Variants in CTNNBL1 observed in about 807,000 individuals in gnomAD.
CTNNBL1 encodes the protein beta-catenin-like protein 1.
Under a neutral mutation model 72.7 loss-of-function variants are expected in CTNNBL1, and 31 were observed. The observed-to-expected ratio is 0.43, with a 90% CI of 0.32 to 0.58. CTNNBL1 has a LOEUF of 0.58. Among genes scored for constraint, CTNNBL1 ranks in the 20% least tolerant of loss-of-function variants. The pLI is 0.08. For missense variants in CTNNBL1, 534 were observed against 725.1 expected (o/e 0.74, Z 3.03); for synonymous variants, 240 against 267.3 (o/e 0.90, Z 1.00).
chr20:37,785,544 T>G (rs2073665449), intron 10 of CTNNBL1, among the ~76,000 whole-genome samples: 1 of 152,268 alleles, frequency 6.6e-6, no homozygotes, highest in South Asian at 2.1e-4. Context: ...GTTCTGCTGT[T>G]AAGAGACTCT....
intron 1 of CTNNBL1, among the ~76,000 whole-genome samples, chr20:37,702,047 A>G (rs2072849575): frequency 6.6e-6 from 1 of 152,168 alleles, no homozygotes; most frequent in African/African-American, 2.4e-5. Flanking sequence ...TTTTATTACA[A>G]CCTTTTTTTA....
At chr20:37,858,054 G>C (rs569639501) in intron 13 of CTNNBL1, among the ~76,000 whole-genome samples, 51 of 152,306 alleles carry the variant, frequency 3.3e-4, no homozygotes, top group African/African-American at 1.2e-3. Flanking sequence ...TTAATTAGCT[G>C]AGTGTGGTGG....
At chr20:37,834,898 C>T (rs1489196489) in intron 11 of CTNNBL1, among the ~76,000 whole-genome samples, 2 of 152,154 alleles carry the variant, frequency 1.3e-5, no homozygotes, top group East Asian at 1.9e-4. Flanking sequence ...ATTATTATAC[C>T]CTACTTACGT....
intron 1 of CTNNBL1, among the ~76,000 whole-genome samples, chr20:37,724,977 C>T (rs2122584594): frequency 6.8e-6 from 1 of 148,052 alleles, no homozygotes; most frequent in South Asian, 2.2e-4. Flanking sequence ...AGTGGCATGA[C>T]CTTGGCTTAC....
chr20:37,731,658 G>C (rs2073130002), intron 1 of CTNNBL1, among the ~76,000 whole-genome samples: 1 of 152,172 alleles, frequency 6.6e-6, no homozygotes, highest in Admixed American at 6.5e-5. Context: ...ACATACAAGT[G>C]AGATTACGAG....
chr20:37,794,005 TCCTGA>T (rs2073747940), intron 10 of CTNNBL1, among the ~76,000 whole-genome samples: 1 of 152,186 alleles, frequency 6.6e-6, no homozygotes, highest in Admixed American at 6.5e-5. Context: ...GGTCTTGAAC[TCCTGA>T]CCTTGTGATC....
At chr20:37,752,554 C>G (rs1213579900) in intron 4 of CTNNBL1, among the ~76,000 whole-genome samples, 1 of 146,960 alleles carries the variant, frequency 6.8e-6, no homozygotes, top group Non-Finnish European at 1.5e-5. Context: ...CATCTTATTT[C>G]TCTTTTTTTT....
intron 13 of CTNNBL1, among the ~76,000 whole-genome samples, chr20:37,845,316 T>C (rs1330190910): frequency 6.6e-6 from 1 of 152,200 alleles, no homozygotes; most frequent in East Asian, 1.9e-4. Context: ...CCCAAAAGAT[T>C]ATCTATTATC....
chr20:37,700,419 A>G (rs1338456214), intron 1 of CTNNBL1, among the ~76,000 whole-genome samples: 1 of 152,088 alleles, frequency 6.6e-6, no homozygotes, highest in East Asian at 1.9e-4. Context: ...GAAGATTCCA[A>G]TTTTCTGCTG....
chr20:37,772,055 C>G (rs539304368), intron 7 of CTNNBL1, among the ~76,000 whole-genome samples: 10 of 152,308 alleles, frequency 6.6e-5, no homozygotes, highest in African/African-American at 2.2e-4. Context: ...TGATGCTCGC[C>G]CTCATGGAGC....
intron 3 of CTNNBL1, among the ~76,000 whole-genome samples, chr20:37,739,054 A>G (rs2073192579): frequency 6.7e-6 from 1 of 150,026 alleles, no homozygotes; most frequent in Non-Finnish European, 1.5e-5. Flanking sequence ...CAGGTTTTGT[A>G]CTGATCTCCA....
chr20:37,779,396 A>C, intron 10 of CTNNBL1, 61 bp downstream of exon 10: 3 of 1,567,362 alleles, frequency 1.9e-6, no homozygotes, highest in Non-Finnish European at 2.6e-6. Context: ...TGTTAGCCTG[A>C]ATTCAAGAGC....
At chr20:37,760,321 A>C (rs1222258450) in intron 5 of CTNNBL1, among the ~76,000 whole-genome samples, 1 of 152,228 alleles carries the variant, frequency 6.6e-6, no homozygotes, top group South Asian at 2.1e-4. Context: ...GCCATGTGCT[A>C]GGTAGTCCCA....
In CTNNBL1 at chr20:37,746,433, C is replaced by T. The variant is rs561998581; in HGVS notation, c.327-35C>T. 6.2e-6 allele frequency: 10 copies of T among 1,601,748 alleles called. No individual in the cohort carries two copies. The African/African-American group carries it at 8.0e-5, about 13-fold the overall frequency. ...TTGCTCCTCATTGCTGATAGTGCCCCTTTCCTTCTAATGATGTCTTGTTTT... is the reference window on the plus strand; with the variant it reads ...TTGCTCCTCATTGCTGATAGTGCCCTTTTCCTTCTAATGATGTCTTGTTTT... On this transcript the variant is annotated intron_variant, in intron 3 of 15. Coordinates refer to ENST00000361383, the MANE Select transcript of CTNNBL1 (RefSeq NM_030877.5).
chr20:37,845,827 A>G (rs758956808), intron 13 of CTNNBL1, among the ~76,000 whole-genome samples: 1 of 152,206 alleles, frequency 6.6e-6, no homozygotes, highest in Non-Finnish European at 1.5e-5. Context: ...TGACTATCAG[A>G]TCAGTAGTGA....
At chr20:37,704,830 T>C (rs2072872080) in intron 1 of CTNNBL1, among the ~76,000 whole-genome samples, 1 of 152,232 alleles carries the variant, frequency 6.6e-6, no homozygotes, top group Non-Finnish European at 1.5e-5. Context: ...ACACTGTTCT[T>C]CAGTCATAGA....
rs142999572 is a variant in CTNNBL1, at chr20:37,860,930, G to T, written c.1603+586G>T. Reference sequence around the variant, plus strand: ...TCATAGTTGTGTAGTTATCATAGGTGTGTATCTATAGGGAAAAACATAGTG... The same window carrying T: ...TCATAGTTGTGTAGTTATCATAGGTTTGTATCTATAGGGAAAAACATAGTG... On this transcript the variant is annotated intron_variant, in intron 15 of 15. Transcript: ENST00000361383. Among the ~76,000 whole-genome samples, 53 of 152,282 alleles carry T rather than the reference G, an allele frequency of 3.5e-4. No homozygotes were observed. In the East Asian group the frequency reaches 0.01, roughly 29 times the overall value.
chr20:37,796,111 A>C (rs964645447), intron 10 of CTNNBL1, among the ~76,000 whole-genome samples: 1 of 152,162 alleles, frequency 6.6e-6, no homozygotes, highest in African/African-American at 2.4e-5. Flanking sequence ...TGAATTAATA[A>C]GACTTTTCTA....
intron 15 of CTNNBL1, 108 bp from the exon 16 acceptor site, chr20:37,871,817 G>C: frequency 1.0e-6 from 1 of 956,176 alleles, no homozygotes; most frequent in South Asian, 1.4e-5. Context: ...GCATTAGGGC[G>C]ACTTGCACCT....
Sources: gnomAD v4.1 joint callset for allele counts (sites outside exome capture counted in the v4.1 genomes callset) on GRCh38, gnomAD v4.1.1 for gene constraint, MANE v1.5 for transcripts, NCBI Gene and HGNC (gene_info 2026-07-23, HGNC 2026-07-21) for gene names.